Variants in PRCP observed in about 807,000 individuals in gnomAD.
PRCP encodes prolylcarboxypeptidase, also known as lysosomal Pro-X carboxypeptidase.
A neutral mutation model predicts 54.2 loss-of-function variants in PRCP; 46 were observed. That is an observed-to-expected ratio of 0.85 (90% CI 0.67 to 1.09). The LOEUF (loss-of-function observed/expected upper bound fraction) is 1.09, where lower values mean the gene tolerates loss of function less well. PRCP is among the 50% of genes least tolerant of loss of function. The pLI is 0.00. For missense variants in PRCP, 613 were observed against 596.8 expected (o/e 1.03, Z -0.28); for synonymous variants, 240 against 212.2 (o/e 1.13, Z -1.14).
chr11:82,888,825 A>C (rs572995906), intron 1 of PRCP, among the ~76,000 whole-genome samples: 1 of 152,326 alleles, frequency 6.6e-6, no homozygotes, highest in African/African-American at 2.4e-5. Context: ...AGTGTGTAGA[A>C]AAATGGGAGA....
At chr11:82,854,832 C>A (rs1361918762) in intron 2 of PRCP, among the ~76,000 whole-genome samples, 1 of 152,070 alleles carries the variant, frequency 6.6e-6, no homozygotes, top group African/African-American at 2.4e-5. Flanking sequence ...GCATGCAGAC[C>A]AATGTAACAG....
intron 1 of PRCP, among the ~76,000 whole-genome samples, chr11:82,885,629 AG>A (rs1182254831): frequency 1.3e-5 from 2 of 152,234 alleles, no homozygotes; most frequent in East Asian, 3.8e-4. Flanking sequence ...ACTTAGGTAT[AG>A]TTCATCAGAT....
At chr11:82,852,694 G>C (rs1222376803) in intron 3 of PRCP, among the ~76,000 whole-genome samples, 1 of 152,048 alleles carries the variant, frequency 6.6e-6, no homozygotes, top group African/African-American at 2.4e-5. Flanking sequence ...TGTGAGAACA[G>C]GAAAGGCTGA....
chr11:82,876,597 A>G (rs552089107), intron 1 of PRCP, among the ~76,000 whole-genome samples: 5 of 152,272 alleles, frequency 3.3e-5, no homozygotes, highest in Non-Finnish European at 2.9e-5. Context: ...GTGATAGTGA[A>G]TAAGTCTTAC....
intron 1 of PRCP, among the ~76,000 whole-genome samples, chr11:82,885,040 G>A (rs1225224485): frequency 6.6e-6 from 1 of 152,158 alleles, no homozygotes; most frequent in Non-Finnish European, 1.5e-5. Flanking sequence ...GTTCTGAGTG[G>A]TCACTTAAGA....
At chr11:82,878,541 G>A (rs186931110) in intron 1 of PRCP, among the ~76,000 whole-genome samples, 42 of 152,214 alleles carry the variant, frequency 2.8e-4, no homozygotes, top group African/African-American at 1.0e-3. Context: ...AGATCTGATG[G>A]GTTTATCAGG....
chr11:82,834,351 T>C (rs945997549), intron 8 of PRCP, among the ~76,000 whole-genome samples: 8 of 152,240 alleles, frequency 5.3e-5, no homozygotes, highest in Non-Finnish European at 1.0e-4. Context: ...TCAAATACCA[T>C]AAATTTGGCA....
intron 1 of PRCP, among the ~76,000 whole-genome samples, chr11:82,873,598 C>T (rs1366234565): frequency 6.6e-6 from 1 of 152,210 alleles, no homozygotes; most frequent in African/African-American, 2.4e-5. Flanking sequence ...ACATCAGCAG[C>T]CACAATCTTC....
At chr11:82,844,340 T>A (rs928028126) in intron 6 of PRCP, among the ~76,000 whole-genome samples, 1 of 152,138 alleles carries the variant, frequency 6.6e-6, no homozygotes, top group Non-Finnish European at 1.5e-5. Context: ...GGAGGATCCC[T>A]TGAGCCCAGG....
Position 82,900,227 on chromosome 11 carries a change from C to T in PRCP, c.168+8G>A. 1.2e-6 allele frequency: 2 copies of T among 1,613,940 alleles called. No homozygotes were observed. Among genetic ancestry groups the T allele is most frequent in the Non-Finnish European group, 8.5e-7 (1 of 1,179,894 alleles). On this transcript the variant is annotated splice_region_variant and intron_variant, in intron 1 of 8. Coordinates refer to ENST00000313010, the MANE Select transcript of PRCP (RefSeq NM_005040.4). ...GCCTGGGACGGCGAAGCCCCCGCTC[C>T]CCCTTACCTTCTGTTGGAAGTAGAG...
intron 1 of PRCP, among the ~76,000 whole-genome samples, chr11:82,864,463 G>A (rs533207401): frequency 5.9e-5 from 9 of 152,276 alleles, no homozygotes; most frequent in Non-Finnish European, 1.0e-4. Flanking sequence ...ATTACAACAC[G>A]GAAAGGTCAC....
intron 1 of PRCP, among the ~76,000 whole-genome samples, chr11:82,896,881 A>G (rs1174554193): frequency 6.6e-6 from 1 of 152,008 alleles, no homozygotes; most frequent in Non-Finnish European, 1.5e-5. Context: ...AGAGAAACAC[A>G]CAGACACACA....
intron 6 of PRCP, chr11:82,846,258 A>AT: frequency 6.6e-6 from 1 of 152,278 alleles, no homozygotes; most frequent in African/African-American, 2.4e-5. Flanking sequence ...TGTTCCAGGG[A>AT]TTAGTGGGTT....
intron 1 of PRCP, 122 bp downstream of exon 1, chr11:82,900,113 A>C (rs1350772557): frequency 1.5e-5 from 19 of 1,309,034 alleles, no homozygotes; most frequent in Non-Finnish European, 1.7e-5. Flanking sequence ...GTTAGCCAAA[A>C]ACCGAACAGA....
intron 1 of PRCP, among the ~76,000 whole-genome samples, chr11:82,887,027 T>G (rs1439831134): frequency 6.6e-6 from 1 of 152,228 alleles, no homozygotes; most frequent in Non-Finnish European, 1.5e-5. Context: ...CCCTCCCATC[T>G]CAGTCTTACT....
At chr11:82,864,128 A>G (rs1033817102) in intron 1 of PRCP, among the ~76,000 whole-genome samples, 7 of 152,228 alleles carry the variant, frequency 4.6e-5, no homozygotes, top group African/African-American at 1.7e-4. Context: ...CACCAATCCT[A>G]AGCACGGAGT....
chr11:82,834,524 T>C (rs1858469379), intron 8 of PRCP, among the ~76,000 whole-genome samples: 1 of 152,180 alleles, frequency 6.6e-6, no homozygotes, highest in Non-Finnish European at 1.5e-5. Flanking sequence ...TGTCTGGCCT[T>C]TTATTTGGGG....
At chr11:82,833,519 G>A (rs895868060) in intron 8 of PRCP, among the ~76,000 whole-genome samples, 6 of 152,156 alleles carry the variant, frequency 3.9e-5, no homozygotes, top group African/African-American at 1.4e-4. Flanking sequence ...TTCAATCATT[G>A]TGGAAGATAG....
chr11:82,842,550 C>T (rs962231505), intron 6 of PRCP, among the ~76,000 whole-genome samples: 9 of 152,158 alleles, frequency 5.9e-5, no homozygotes, highest in South Asian at 2.1e-4. Context: ...TCATTCCCCA[C>T]CTTTCATCAT....
Sources: allele counts gnomAD v4.1 joint callset (sites outside exome capture counted in the v4.1 genomes callset), GRCh38; gene constraint gnomAD v4.1.1; transcripts MANE v1.5; gene names NCBI Gene and HGNC (gene_info 2026-07-23, HGNC 2026-07-21).